The following HAT1 variants were observed in gnomAD, a reference collection of about 807,000 sequenced individuals.
The protein encoded by HAT1 is histone acetyltransferase 1.
HAT1 carries 20 observed loss-of-function variants against 56.6 expected under a neutral mutation model. The ratio of observed to expected loss-of-function variants is 0.35; its 90% CI spans 0.25 to 0.51. The LOEUF (loss-of-function observed/expected upper bound fraction) is 0.51, where lower values mean the gene tolerates loss of function less well. Among genes scored for constraint, HAT1 ranks in the 20% least tolerant of loss-of-function variants. HAT1 has a pLI of 0.95. For synonymous variants in HAT1, 146 were observed against 165.5 expected (o/e 0.88, Z 0.91); for missense variants, 408 against 504.3 (o/e 0.81, Z 1.83).
chr2:171,982,155 T>A (rs183935813), intron 10 of HAT1, among the ~76,000 whole-genome samples: 2 of 151,936 alleles, frequency 1.3e-5, no homozygotes, highest in East Asian at 3.9e-4. Flanking sequence ...AATTCTTTTT[T>A]ATATTATTAT....
At chr2:171,934,136 C>T (rs1160306117) in intron 2 of HAT1, among the ~76,000 whole-genome samples, 2 of 152,140 alleles carry the variant, frequency 1.3e-5, no homozygotes, top group East Asian at 1.9e-4. Context: ...TTATCTCTGT[C>T]CCCTCTTTAA....
intron 6 of HAT1, 43 bp downstream of exon 6, chr2:171,965,951 C>A (rs755422648): frequency 6.5e-7 from 1 of 1,548,294 alleles, no homozygotes; most frequent in Non-Finnish European, 8.8e-7. Context: ...ATTACCTCCA[C>A]AAAGCCAGCA....
chr2:171,980,053 G>A (rs1688094131), intron 10 of HAT1: 1 of 152,216 alleles, frequency 6.6e-6, no homozygotes. Context: ...AGAGGTGGAG[G>A]TTGCAGTGAG....
chr2:171,932,696 C>G (rs921806413), intron 2 of HAT1, among the ~76,000 whole-genome samples: 3 of 151,942 alleles, frequency 2.0e-5, no homozygotes, highest in Non-Finnish European at 4.4e-5. Context: ...AATGAGATCT[C>G]AACAATAAAA....
At chr2:171,937,760 TA>T (rs1394132529) in intron 2 of HAT1, among the ~76,000 whole-genome samples, 1 of 152,028 alleles carries the variant, frequency 6.6e-6, no homozygotes, top group African/African-American at 2.4e-5. Context: ...TTAATTATAG[TA>T]ATGGAGCTGT....
intron 8 of HAT1, among the ~76,000 whole-genome samples, chr2:171,975,390 C>A (rs1287668794): frequency 6.6e-6 from 1 of 152,148 alleles, no homozygotes; most frequent in Non-Finnish European, 1.5e-5. Context: ...CAGGTGTGAG[C>A]CACTGTGCCT....
chr2:171,982,290 G>C (rs2105351447), intron 10 of HAT1, among the ~76,000 whole-genome samples: 1 of 152,256 alleles, frequency 6.6e-6, no homozygotes, highest in South Asian at 2.1e-4. Flanking sequence ...CTTGGGCCCA[G>C]GAGTTCTAGA....
chr2:171,964,403 C>G (rs969930798), intron 4 of HAT1, among the ~76,000 whole-genome samples: 1 of 152,086 alleles, frequency 6.6e-6, no homozygotes, highest in South Asian at 2.1e-4. Flanking sequence ...AACCTGGCCT[C>G]ATTGTTCAGG....
chr2:171,967,682 T>G (rs1687716286), intron 8 of HAT1, among the ~76,000 whole-genome samples: 1 of 152,116 alleles, frequency 6.6e-6, no homozygotes, highest in Admixed American at 6.5e-5. Context: ...GTTCATAAAA[T>G]TGCTGATGAA....
At chr2:171,973,340 T>C (rs1410556561) in intron 8 of HAT1, among the ~76,000 whole-genome samples, 1 of 151,996 alleles carries the variant, frequency 6.6e-6, no homozygotes, top group Non-Finnish European at 1.5e-5. Context: ...TCAAAATTAT[T>C]TTGTTTATAA....
intron 4 of HAT1, among the ~76,000 whole-genome samples, chr2:171,964,372 C>A (rs1355900675): frequency 6.6e-6 from 1 of 152,090 alleles, no homozygotes; most frequent in Non-Finnish European, 1.5e-5. Context: ...GCTGAACTCA[C>A]GGCAAACTCC....
chr2:171,965,273 G>C lies in HAT1; in HGVS notation c.310-65G>C. ...TTGTGTTGGTTTTGTCAGTTTTAAA[G>C]AAATAAACCATATTCAACTTAAAGT... On this transcript the variant is annotated intron_variant, in intron 4 of 10. Coordinates refer to ENST00000264108, the MANE Select transcript of HAT1 (RefSeq NM_003642.4). The C allele has an allele frequency of 5.1e-6, 5 of 974,954 alleles. No individual in the cohort carries two copies. The South Asian group carries it at 8.5e-5, about 17-fold the overall frequency. 60.4% of individuals were successfully genotyped at this position (974,954 alleles called of 1,614,324 possible).
chr2:171,971,623 C>T (rs1040103400), intron 8 of HAT1, among the ~76,000 whole-genome samples: 3 of 152,260 alleles, frequency 2.0e-5, no homozygotes, highest in Admixed American at 6.5e-5. Context: ...GGTTTATTAC[C>T]GGGCTCTCTA....
At chr2:171,952,740 A>T in intron 3 of HAT1, 141 bp from the exon 4 acceptor site, 1 of 511,498 alleles carries the variant, frequency 2.0e-6, no homozygotes, top group South Asian at 3.4e-5. Flanking sequence ...AAACTGAAGC[A>T]CATTTTATTG....
intron 3 of HAT1, among the ~76,000 whole-genome samples, chr2:171,947,991 T>C (rs949969010): frequency 2.6e-5 from 4 of 152,250 alleles, no homozygotes; most frequent in Non-Finnish European, 5.9e-5. Flanking sequence ...AACTTTTGAT[T>C]TTGAAAACAT....
In HAT1 at chr2:171,943,247, C is replaced by A. The variant is rs1054082392; in HGVS notation, c.113-3461C>A. ...TGAAACCCCGTCTCTACTAAAAATA[C>A]AAAAATTAGCTGGGCGCTAATTTTT... On this transcript the variant is annotated intron_variant, in intron 2 of 10. Transcript: ENST00000264108. Among the ~76,000 whole-genome samples, 195 of 150,922 alleles carry A rather than the reference C, an allele frequency of 1.3e-3. 1 individual carries two copies. The highest frequency in any genetic ancestry group is 4.6e-3 in the African/African-American group (188 of 41,116).
intron 9 of HAT1, among the ~76,000 whole-genome samples, chr2:171,977,549 ATATATATATTTTTTTT>A (rs1296366392): frequency 7.1e-5 from 1 of 14,136 alleles, no homozygotes; most frequent in Non-Finnish European, 1.2e-4. Flanking sequence ...ATATATATAT[ATATATATATTTTTTTT>A]TTTTTTTTTT....
intron 8 of HAT1, among the ~76,000 whole-genome samples, chr2:171,971,263 T>C (rs1007269568): frequency 6.6e-6 from 1 of 151,958 alleles, no homozygotes; most frequent in Non-Finnish European, 1.5e-5. Flanking sequence ...TCTAGTAGAG[T>C]TTTTAATTAA....
At position 171,979,378 on chromosome 2, in the gene HAT1, A is replaced by C. The variant is rs1267312003; in HGVS notation, c.1092+15A>C. 3 of 1,132,800 alleles carry C rather than the reference A, an allele frequency of 2.6e-6. No homozygotes were observed. In the Admixed American group the frequency reaches 5.1e-5, roughly 19 times the overall value. The allele number at this position is 1,132,800 out of a possible 1,614,324, so 70.2% of individuals were successfully genotyped here. A position where few individuals can be genotyped will look rare whatever the true frequency, so the allele number is the denominator to read the frequency against. ...GCCCATATAAGGTAGGACTTTCAAG[A>C]ATCTTAAACACTGTATTCTTTTCAC... On this transcript the variant is annotated intron_variant, in intron 10 of 10. Coordinates refer to ENST00000264108, the MANE Select transcript of HAT1 (RefSeq NM_003642.4).
Sources: gnomAD v4.1 joint callset for allele counts (sites outside exome capture counted in the v4.1 genomes callset) on GRCh38, gnomAD v4.1.1 for gene constraint, MANE v1.5 for transcripts, NCBI Gene and HGNC (gene_info 2026-07-23, HGNC 2026-07-21) for gene names.